The following PHF24 variants were observed in gnomAD, a reference collection of about 807,000 sequenced individuals.
PHF24 encodes the protein Galpha inhibitory interacting protein.
Under a neutral mutation model 42.6 loss-of-function variants are expected in PHF24, and 25 were observed. That is an observed-to-expected ratio of 0.59 (90% CI 0.43 to 0.82). The LOEUF (loss-of-function observed/expected upper bound fraction) is 0.82, where lower values mean the gene tolerates loss of function less well. Among genes scored for constraint, PHF24 ranks in the 40% least tolerant of loss-of-function variants. PHF24 has a pLI of 0.00. For synonymous variants in PHF24, 185 were observed against 204.8 expected, an observed-to-expected ratio of 0.90 and a Z score of 0.83; for missense variants, 470 against 538.1, an observed-to-expected ratio of 0.87 and a Z score of 1.25.
At chr9:34,739,104 CTTG>C in the PHF24 span, among the ~76,000 whole-genome samples, 2 of 152,186 alleles carry the variant, frequency 1.3e-5, no homozygotes, top group Middle Eastern at 3.4e-3. Context: ...TTCTAATTTT[CTTG>C]TTGTTTTGAG....
the PHF24 span, among the ~76,000 whole-genome samples, chr9:34,904,151 C>T: frequency 6.6e-6 from 1 of 152,082 alleles, no homozygotes; most frequent in Non-Finnish European, 1.5e-5. Context: ...TCAAGGTAGA[C>T]GATCATATTG....
the PHF24 span, among the ~76,000 whole-genome samples, chr9:34,914,918 T>G: frequency 6.7e-6 from 1 of 148,618 alleles, no homozygotes; most frequent in Middle Eastern, 3.3e-3. Context: ...CCTGAGTACC[T>G]GGGACTACAG....
the PHF24 span, chr9:34,690,030 TGA>T: frequency 1.9e-6 from 3 of 1,613,170 alleles, no homozygotes; most frequent in Non-Finnish European, 2.5e-6. Context: ...GAACCTGGGG[TGA>T]GAGGCCGGAG....
chr9:34,949,102 C>A, the PHF24 span, among the ~76,000 whole-genome samples: 2 of 152,120 alleles, frequency 1.3e-5, no homozygotes, highest in Non-Finnish European at 2.9e-5. Flanking sequence ...TCTCTGTAAT[C>A]AATAGAACAA....
chr9:34,764,953 A>T, the PHF24 span, among the ~76,000 whole-genome samples: 2 of 151,874 alleles, frequency 1.3e-5, no homozygotes, highest in African/African-American at 4.8e-5. Flanking sequence ...TCATTTCGTT[A>T]TGTACCCAGT....
the PHF24 span, among the ~76,000 whole-genome samples, chr9:34,716,565 C>CTTTTGT: frequency 1.5e-3 from 227 of 148,322 alleles, 4 homozygotes; most frequent in East Asian, 0.039. Context: ...TTTTGTTTTG[C>CTTTTGT]TTTGTTTTGT....
chr9:34,883,432 A>G, the PHF24 span, among the ~76,000 whole-genome samples: 2 of 152,262 alleles, frequency 1.3e-5, no homozygotes, highest in South Asian at 2.1e-4. Context: ...CAGGCAACCT[A>G]CAAAATGGGA....
Position 34,958,880 on chromosome 9 carries a change from G to A in PHF24, c.-5+479G>A, listed in dbSNP as rs1826489431. On this transcript the variant is annotated intron_variant, in intron 1 of 7. Transcript: ENST00000242315. This position sits in a 1 kb window ranked among gnomAD's most constrained non-coding sequence, Gnocchi z 4.5. ...GGGAAGCAACCTCTGACTGGGGAGG[G>A]GGATCCTCCCATGGGATCCATGAGT... 6.6e-6 allele frequency among the ~76,000 whole-genome samples: 1 copy of A among 152,152 alleles called. No individual in the cohort carries two copies. Among genetic ancestry groups the A allele is most frequent in the Non-Finnish European group, 1.5e-5 (1 of 68,016 alleles).
chr9:34,709,672 G>T, the PHF24 span: 1 of 1,613,972 alleles, frequency 6.2e-7, no homozygotes, highest in Non-Finnish European at 8.5e-7. Flanking sequence ...GAGCGCTTGC[G>T]GGGCAAGAAC....
At chr9:34,918,234 G>A in the PHF24 span, 5 of 1,491,884 alleles carry the variant, frequency 3.4e-6, no homozygotes, top group Non-Finnish European at 3.7e-6. Context: ...GGTGACAGAA[G>A]CCCTCATCCG....
At chr9:34,889,407 G>C in the PHF24 span, 3 of 398,630 alleles carry the variant, frequency 7.5e-6, no homozygotes, top group Non-Finnish European at 1.3e-5. Flanking sequence ...TTCCTCCTCA[G>C]TAGAAGGAGG....
At chr9:34,791,634 A>G in the PHF24 span, among the ~76,000 whole-genome samples, 1 of 152,112 alleles carries the variant, frequency 6.6e-6, no homozygotes, top group African/African-American at 2.4e-5. Flanking sequence ...GGGCACTCCA[A>G]CATTCAGAGA....
chr9:34,869,409 A>T, the PHF24 span, among the ~76,000 whole-genome samples: 2 of 152,172 alleles, frequency 1.3e-5, no homozygotes, highest in African/African-American at 4.8e-5. Context: ...CAACCTGGCC[A>T]GCATCTGTTG....
At chr9:34,776,554 A>G in the PHF24 span, among the ~76,000 whole-genome samples, 9 of 152,216 alleles carry the variant, frequency 5.9e-5, no homozygotes, top group Non-Finnish European at 1.3e-4. Context: ...TCTCGTTTAT[A>G]TTTATCTATC....
At chr9:34,776,265 C>A in the PHF24 span, among the ~76,000 whole-genome samples, 1 of 152,172 alleles carries the variant, frequency 6.6e-6, no homozygotes, top group Non-Finnish European at 1.5e-5. Context: ...AATTCCACAA[C>A]TGGAGAAGTA....
the PHF24 span, among the ~76,000 whole-genome samples, chr9:34,889,872 T>C: frequency 6.6e-6 from 1 of 152,226 alleles, no homozygotes. Context: ...CTTTAAGCTC[T>C]GGGCACTCCC....
At chr9:34,766,315 C>G in the PHF24 span, among the ~76,000 whole-genome samples, 2 of 152,200 alleles carry the variant, frequency 1.3e-5, no homozygotes, top group African/African-American at 4.8e-5. Context: ...TGGTTCCATT[C>G]TCCCCGTCAC....
the PHF24 span, among the ~76,000 whole-genome samples, chr9:34,666,877 G>A: frequency 3.9e-3 from 591 of 152,268 alleles, 2 homozygotes; most frequent in Non-Finnish European, 4.6e-3. Context: ...ACTGGGAGGC[G>A]GAGGTTGCTG....
chr9:34,858,591 G>T, the PHF24 span, among the ~76,000 whole-genome samples: 1 of 152,210 alleles, frequency 6.6e-6, no homozygotes, highest in African/African-American at 2.4e-5. Context: ...TGAAGCCTGT[G>T]TCTGTTGGTG....
Sources: gnomAD v4.1 joint callset for allele counts (sites outside exome capture counted in the v4.1 genomes callset) on GRCh38, gnomAD v4.1.1 for gene constraint, Gnocchi (gnomAD v3.1) non-coding constraint, MANE v1.5 for transcripts, NCBI Gene and HGNC (gene_info 2026-07-23, HGNC 2026-07-21) for gene names.